The following NRG1 variants were observed in gnomAD, a reference collection of about 807,000 sequenced individuals.
NRG1 encodes the protein neuregulin 1.
Under a neutral mutation model 63.8 loss-of-function variants are expected in NRG1, and 18 were observed. The observed-to-expected ratio is 0.28, with a 90% CI of 0.19 to 0.42. NRG1 has a LOEUF of 0.42. NRG1 is among the 10% of genes least tolerant of loss of function. NRG1 has a pLI of 1.00. For synonymous variants in NRG1, 302 were observed against 301.3 expected (o/e 1.00, Z -0.02); for missense variants, 762 against 814.7 (o/e 0.94, Z 0.79).
exon 12 of NRG1, chr8:32,764,389 C>T (rs1434793839): frequency 2.5e-6 from 4 of 1,578,998 alleles, no homozygotes; most frequent in Middle Eastern, 1.7e-4. Flanking sequence ...AACCAAGACC[C>T]TATTGCTGTA....
At chr8:32,324,601 G>A (rs1421181305) in intron 1 of NRG1, among the ~76,000 whole-genome samples, 2 of 152,146 alleles carry the variant, frequency 1.3e-5, no homozygotes, top group Non-Finnish European at 1.5e-5. Flanking sequence ...ACTTTGATGA[G>A]AGAATACTTT....
chr8:32,602,929 T>C (rs1254380845), intron 2 of NRG1, among the ~76,000 whole-genome samples: 1 of 152,206 alleles, frequency 6.6e-6, no homozygotes. Flanking sequence ...CCAAAATTAA[T>C]ACAGCCTGCA....
At chr8:32,331,841 C>T (rs577790745) in intron 1 of NRG1, among the ~76,000 whole-genome samples, 2 of 152,224 alleles carry the variant, frequency 1.3e-5, no homozygotes, top group African/African-American at 2.4e-5. Flanking sequence ...AAGTTACACA[C>T]GTGTCTGGGC....
At chr8:32,091,235 G>A (rs569805143) in intron 1 of NRG1, among the ~76,000 whole-genome samples, 3 of 149,450 alleles carry the variant, frequency 2.0e-5, no homozygotes, top group Non-Finnish European at 4.4e-5. Context: ...CTGAGATCAC[G>A]CCACTGCACT....
chr8:32,249,258 G>A (rs11786653), intron 1 of NRG1, among the ~76,000 whole-genome samples: 66,020 of 151,878 alleles, frequency 0.43, 14,684 homozygotes, highest in Admixed American at 0.48. Flanking sequence ...GCATGCCACC[G>A]TATCTGGCCA....
intron 5 of NRG1, among the ~76,000 whole-genome samples, chr8:32,617,501 A>T (rs931611100): frequency 6.6e-6 from 1 of 152,320 alleles, no homozygotes; most frequent in African/African-American, 2.4e-5. Flanking sequence ...GTTTTGTGCT[A>T]TGTCGGGGGA....
At chr8:31,838,394 A>C (rs1289695880) in intron 1 of NRG1, among the ~76,000 whole-genome samples, 1 of 151,962 alleles carries the variant, frequency 6.6e-6, no homozygotes, top group Non-Finnish European at 1.5e-5. Flanking sequence ...TCATTGCTGC[A>C]TTTCTTTTTT....
chr8:31,686,544 T>C (rs761453741), intron 1 of NRG1, among the ~76,000 whole-genome samples: 1 of 152,200 alleles, frequency 6.6e-6, no homozygotes, highest in Non-Finnish European at 1.5e-5. Context: ...ACCATTTTGA[T>C]GTCTAACTGC....
chr8:32,440,415 T>C (rs1587668457), intron 1 of NRG1, among the ~76,000 whole-genome samples: 1 of 152,112 alleles, frequency 6.6e-6, no homozygotes, highest in African/African-American at 2.4e-5. Context: ...CACCTCGGCC[T>C]CCCAAAATGC....
At chr8:32,689,979 T>G (rs1454907223) in intron 5 of NRG1, among the ~76,000 whole-genome samples, 2 of 152,166 alleles carry the variant, frequency 1.3e-5, no homozygotes, top group African/African-American at 2.4e-5. Context: ...GGAAGCTGCT[T>G]TGGTTCTGGG....
At chr8:32,495,626 C>T (rs1415049858) in intron 1 of NRG1, among the ~76,000 whole-genome samples, 4 of 152,046 alleles carry the variant, frequency 2.6e-5, no homozygotes, top group Non-Finnish European at 5.9e-5. Flanking sequence ...CCACGCCCAG[C>T]TAATTTTTAT....
chr8:31,916,624 T>A (rs1833413995), intron 1 of NRG1, among the ~76,000 whole-genome samples: 3 of 152,208 alleles, frequency 2.0e-5, no homozygotes, highest in Admixed American at 2.0e-4. Flanking sequence ...TTTGGGTTGG[T>A]TCCAAGTCTT....
intron 1 of NRG1, among the ~76,000 whole-genome samples, chr8:32,594,719 T>C (rs979521690): frequency 1.3e-5 from 2 of 152,216 alleles, no homozygotes; most frequent in Non-Finnish European, 2.9e-5. Context: ...AGGTGTTTAA[T>C]GTATTCTCCA....
chr8:32,662,398 G>C (rs1427181370), intron 5 of NRG1, among the ~76,000 whole-genome samples: 1 of 152,148 alleles, frequency 6.6e-6, no homozygotes, highest in Non-Finnish European at 1.5e-5. Flanking sequence ...AGATCAGAGA[G>C]GTGATGAAGG....
intron 1 of NRG1, among the ~76,000 whole-genome samples, chr8:32,332,672 G>A (rs573508128): frequency 6.6e-6 from 1 of 152,260 alleles, no homozygotes; most frequent in Admixed American, 6.5e-5. Flanking sequence ...CTGAAGCATA[G>A]AGAATTGAAT....
At chr8:31,941,506 C>T (rs1053501789) in intron 1 of NRG1, among the ~76,000 whole-genome samples, 20 of 152,062 alleles carry the variant, frequency 1.3e-4, no homozygotes, top group African/African-American at 4.8e-4. Context: ...CCACTTTCAC[C>T]ACTTCTATTC....
intron 1 of NRG1, among the ~76,000 whole-genome samples, chr8:32,090,283 A>G (rs1314302855): frequency 6.6e-6 from 1 of 152,224 alleles, no homozygotes; most frequent in Non-Finnish European, 1.5e-5. Context: ...TGTTTCATAT[A>G]TTGATAAATT....
chr8:31,782,803 G>C (rs1187053566), intron 1 of NRG1, among the ~76,000 whole-genome samples: 1 of 152,092 alleles, frequency 6.6e-6, no homozygotes, highest in Non-Finnish European at 1.5e-5. Context: ...GTCTAAATTG[G>C]GGTCTCGGGT....
chr8:31,826,076 C>T (rs1824520929), intron 1 of NRG1, among the ~76,000 whole-genome samples: 1 of 152,226 alleles, frequency 6.6e-6, no homozygotes, highest in South Asian at 2.1e-4. Context: ...AGAAATAGAA[C>T]CCTGTTTTTG....
Sources: gnomAD v4.1 joint callset for allele counts (sites outside exome capture counted in the v4.1 genomes callset) on GRCh38, gnomAD v4.1.1 for gene constraint, MANE v1.5 for transcripts, NCBI Gene and HGNC (gene_info 2026-07-23, HGNC 2026-07-21) for gene names.